CDH12: variants seen among roughly 807,000 people sequenced by gnomAD.
CDH12 encodes the protein cadherin-12.
Under a neutral mutation model 74.1 loss-of-function variants are expected in CDH12, and 41 were observed. That is an observed-to-expected ratio of 0.55 (90% CI 0.43 to 0.72). The LOEUF is 0.72. Among genes scored for constraint, CDH12 ranks in the 30% least tolerant of loss-of-function variants. The probability of loss-of-function intolerance (pLI) is 0.00; values close to 1 mark genes in which losing one functional copy is unlikely to be tolerated. For synonymous variants in CDH12, 399 were observed against 355.0 expected (o/e 1.12, Z -1.39); for missense variants, 945 against 977.2 (o/e 0.97, Z 0.44).
chr5:22,712,872 T>C (rs1286051703), intron 1 of CDH12, among the ~76,000 whole-genome samples: 1 of 152,168 alleles, frequency 6.6e-6, no homozygotes, highest in Non-Finnish European at 1.5e-5. Context: ...TACAGAACTT[T>C]GGAAGGAATG....
intron 1 of CDH12, among the ~76,000 whole-genome samples, chr5:22,654,926 G>A (rs554555966): frequency 1.8e-4 from 27 of 152,156 alleles, no homozygotes; most frequent in African/African-American, 2.9e-4. Flanking sequence ...CCACTGTGCC[G>A]TGCCTCTTTC....
At chr5:22,513,791 C>T (rs1561459886) in intron 1 of CDH12, among the ~76,000 whole-genome samples, 2 of 151,284 alleles carry the variant, frequency 1.3e-5, no homozygotes, top group African/African-American at 4.9e-5. Flanking sequence ...ACTAAAAATA[C>T]AAAAAAATTA....
chr5:22,128,150 G>T (rs1419603883), intron 4 of CDH12, among the ~76,000 whole-genome samples: 1 of 152,166 alleles, frequency 6.6e-6, no homozygotes, highest in East Asian at 1.9e-4. Flanking sequence ...TCACTCTTGA[G>T]TTGGATTGAT....
intron 3 of CDH12, among the ~76,000 whole-genome samples, chr5:22,311,617 C>G (rs183846317): frequency 6.7e-6 from 1 of 150,066 alleles, no homozygotes; most frequent in Non-Finnish European, 1.5e-5. Flanking sequence ...GCAGGATAAT[C>G]GCTTGAACCT....
intron 6 of CDH12, among the ~76,000 whole-genome samples, chr5:21,868,924 C>G (rs1003554563): frequency 2.6e-5 from 4 of 152,120 alleles, no homozygotes; most frequent in African/African-American, 4.8e-5. Flanking sequence ...ATTGGCACCA[C>G]TCACCATTAC....
At chr5:22,268,439 C>A (rs894207995) in intron 3 of CDH12, among the ~76,000 whole-genome samples, 51 of 152,034 alleles carry the variant, frequency 3.4e-4, no homozygotes, top group African/African-American at 1.1e-3. Flanking sequence ...AAAGAGAATG[C>A]CCAACTCTAT....
chr5:22,705,499 G>GCATACACACA (rs1280511188), intron 1 of CDH12, among the ~76,000 whole-genome samples: 1 of 143,486 alleles, frequency 7.0e-6, no homozygotes, highest in Non-Finnish European at 1.5e-5. Context: ...CAACACACAT[G>GCATACACACA]CACACACACA....
At position 22,084,463 on chromosome 5, in the gene CDH12, T is replaced by A. The variant is rs1742936652; in HGVS notation, c.-186-5601A>T. Reference sequence around the variant, plus strand: ...CATAGTTTTATGCTAAGTAACTATCTGTTAAGTAGCATTTGAACTGTGAGG... The same window carrying A: ...CATAGTTTTATGCTAAGTAACTATCAGTTAAGTAGCATTTGAACTGTGAGG... On this transcript the variant is annotated intron_variant, in intron 4 of 14. Transcript: ENST00000382254. Among the ~76,000 whole-genome samples, 2 of 152,228 alleles carry A rather than the reference T, an allele frequency of 1.3e-5. 1 individual carries two copies. Among genetic ancestry groups the A allele is most frequent in the South Asian group, 4.1e-4 (2 of 4,830 alleles).
intron 1 of CDH12, among the ~76,000 whole-genome samples, chr5:22,620,621 G>T (rs1737924401): frequency 6.6e-6 from 1 of 151,750 alleles, no homozygotes; most frequent in African/African-American, 2.4e-5. Flanking sequence ...CCTATTTTAG[G>T]GTTCATTATT....
chr5:22,793,395 A>C (rs1218901296), intron 1 of CDH12, among the ~76,000 whole-genome samples: 3 of 152,148 alleles, frequency 2.0e-5, no homozygotes, highest in Non-Finnish European at 4.4e-5. Flanking sequence ...GATTATAACT[A>C]CTTTATAGTT....
intron 1 of CDH12, among the ~76,000 whole-genome samples, chr5:22,582,047 T>TA (rs1183062119): frequency 4.0e-5 from 6 of 151,830 alleles, no homozygotes; most frequent in Admixed American, 2.0e-4. Flanking sequence ...GATTAAAGAT[T>TA]AAAAAAAACA....
intron 2 of CDH12, among the ~76,000 whole-genome samples, chr5:22,429,592 T>C (rs777009774): frequency 6.6e-6 from 1 of 152,218 alleles, no homozygotes; most frequent in Non-Finnish European, 1.5e-5. Flanking sequence ...ATCATTTCCA[T>C]GGTAGCACTG....
At chr5:22,248,034 C>T (rs955559273) in intron 3 of CDH12, among the ~76,000 whole-genome samples, 8 of 152,140 alleles carry the variant, frequency 5.3e-5, no homozygotes, top group East Asian at 1.9e-4. Context: ...CAGTGGCTCA[C>T]GCCTGTAATC....
intron 3 of CDH12, among the ~76,000 whole-genome samples, chr5:22,254,763 A>G (rs1000102015): frequency 7.2e-5 from 11 of 151,866 alleles, no homozygotes; most frequent in African/African-American, 2.7e-4. Flanking sequence ...TTGTGGGTAC[A>G]TAGTAGGTGT....
chr5:22,538,437 C>T (rs1007368830), intron 1 of CDH12, among the ~76,000 whole-genome samples: 2 of 152,224 alleles, frequency 1.3e-5, no homozygotes, highest in Non-Finnish European at 2.9e-5. Flanking sequence ...TGATATCTTA[C>T]AGCAGATAAT....
At chr5:22,626,060 C>CA (rs1738274421) in intron 1 of CDH12, among the ~76,000 whole-genome samples, 1 of 152,050 alleles carries the variant, frequency 6.6e-6, no homozygotes, top group African/African-American at 2.4e-5. Flanking sequence ...ATGCTAACCC[C>CA]ATGGAGGCAC....
chr5:21,992,383 T>A (rs1473135829), intron 5 of CDH12, among the ~76,000 whole-genome samples: 1 of 152,202 alleles, frequency 6.6e-6, no homozygotes, highest in African/African-American at 2.4e-5. Flanking sequence ...TTTTTTGTTT[T>A]GTTTTTTAAA....
intron 1 of CDH12, among the ~76,000 whole-genome samples, chr5:22,815,339 A>G (rs901256961): frequency 1.3e-5 from 2 of 152,240 alleles, no homozygotes; most frequent in Admixed American, 6.5e-5. Flanking sequence ...GAAAGTAGAG[A>G]TGTAACAATG....
chr5:22,372,816 G>C (rs747606953), intron 3 of CDH12, among the ~76,000 whole-genome samples: 17 of 152,138 alleles, frequency 1.1e-4, no homozygotes, highest in Non-Finnish European at 1.9e-4. Context: ...CCCTGAAACT[G>C]ATACTTCTGC....
Sources: allele counts gnomAD v4.1 joint callset (sites outside exome capture counted in the v4.1 genomes callset), GRCh38; gene constraint gnomAD v4.1.1; transcripts MANE v1.5; gene names NCBI Gene and HGNC (gene_info 2026-07-23, HGNC 2026-07-21).